Variants in OR1L6 observed in about 807,000 individuals in gnomAD.
OR1L6 encodes the protein olfactory receptor 1L6.
Under a neutral mutation model 3.0 loss-of-function variants are expected in OR1L6, and 2 were observed. The observed-to-expected ratio is 0.68, with a 90% CI of 0.28 to 2.13. The LOEUF (loss-of-function observed/expected upper bound fraction) is 2.13. OR1L6 is among the 30% of genes most tolerant of loss of function. OR1L6 has a pLI of 0.14. For missense variants in OR1L6, 304 were observed against 378.4 expected (o/e 0.80, Z 1.63); for synonymous variants, 121 against 148.4 (o/e 0.82, Z 1.34).
rs759176521 is a variant in OR1L6, at chr9:122,750,698, C to A, written c.851C>A (p.Pro284His). The change falls in exon 2 of 2, where the codon CCC becomes CAC. Residue 284 changes from proline to histidine, a missense_variant. Around this residue, in one of 3 missense-constraint regions of OR1L6, gnomAD observed 91 missense variants for 87.8 expected, o/e 1.04. Transcript: ENST00000304720. ...ACAGTTATGTACACAGTAGTGACAC[C>A]CATGCTGAACCCTTTCATCTACAGC... is the stretch of plus-strand genomic sequence containing the variant. ...VATVMYTVVT[P>H]MLNPFIYSLR... 1.2e-6 allele frequency: 2 copies of A among 1,613,650 alleles called. No homozygotes were observed. The highest frequency in any genetic ancestry group is 1.7e-6 in the Non-Finnish European group (2 of 1,180,006).
chr9:122,742,485 AAC>A (rs1828801248), intron 1 of OR1L6, 112 bp downstream of exon 1: 1 of 152,228 alleles, frequency 6.6e-6, no homozygotes, highest in South Asian at 2.1e-4. Flanking sequence ...AAAGCCAGGA[AAC>A]ACAGTCTTTC....
At chr9:122,749,049 T>C (rs767458984) in intron 1 of OR1L6, among the ~76,000 whole-genome samples, 3 of 152,198 alleles carry the variant, frequency 2.0e-5, no homozygotes, top group Non-Finnish European at 2.9e-5. Flanking sequence ...GCAATAAACA[T>C]ATAAGTGCAG....
At chr9:122,745,835 A>T (rs3927937) in intron 1 of OR1L6, among the ~76,000 whole-genome samples, 29 of 152,022 alleles carry the variant, frequency 1.9e-4, no homozygotes, top group Non-Finnish European at 2.9e-4. Flanking sequence ...CAAACACATT[A>T]AAAAAAATAC....
At chr9:122,745,772 A>C (rs1319292258) in intron 1 of OR1L6, among the ~76,000 whole-genome samples, 1 of 152,178 alleles carries the variant, frequency 6.6e-6, no homozygotes, top group Non-Finnish European at 1.5e-5. Context: ...GAAAATTCAG[A>C]AGGTAACCAC....
At chr9:122,749,746 T>A in intron 1 of OR1L6, 89 bp from the exon 2 acceptor site, 1 of 1,204,746 alleles carries the variant, frequency 8.3e-7, no homozygotes, top group Non-Finnish European at 1.2e-6. Context: ...GGCTATGAGC[T>A]ATTTTTACAG....
intron 1 of OR1L6, among the ~76,000 whole-genome samples, chr9:122,743,875 A>G (rs542054556): frequency 1.3e-5 from 2 of 152,322 alleles, no homozygotes; most frequent in East Asian, 3.9e-4. Context: ...GTCAGCAAGG[A>G]GGCTGAAGGC....
At chr9:122,743,727 A>G (rs558668709) in intron 1 of OR1L6, among the ~76,000 whole-genome samples, 3 of 152,358 alleles carry the variant, frequency 2.0e-5, no homozygotes, top group African/African-American at 7.2e-5. Flanking sequence ...GTCCTAAGTC[A>G]TAGCCTGTCA....
In OR1L6 at chr9:122,750,182, A is replaced by G. The variant is rs1246502205; in HGVS notation, c.335A>G (p.Asp112Gly). The change falls in exon 2 of 2, where the codon GAC becomes GGC. Residue 112 changes from aspartate to glycine, a missense_variant. Transcript: ENST00000304720. ...MYFFMAFGNT[D>G]SYLLASMAID... ...TTCTTTATGGCATTTGGGAACACTG[A>G]CAGCTACCTGCTGGCCTCTATGGCC... 1.2e-6 allele frequency: 2 copies of G among 1,613,748 alleles called. No homozygotes were observed. The highest frequency in any genetic ancestry group is 1.7e-6 in the Non-Finnish European group (2 of 1,179,796).
chr9:122,748,951 G>GTA (rs1325663363), intron 1 of OR1L6, among the ~76,000 whole-genome samples: 2 of 152,036 alleles, frequency 1.3e-5, no homozygotes, highest in Admixed American at 1.3e-4. Context: ...GTGTGTGTGT[G>GTA]TACACGTATA....
chr9:122,745,487 A>G (rs1188698861), intron 1 of OR1L6, among the ~76,000 whole-genome samples: 1 of 127,410 alleles, frequency 7.8e-6, no homozygotes, highest in African/African-American at 3.1e-5. Flanking sequence ...ATCTCGGCTC[A>G]CTGCAAGCTC....
At position 122,750,746 on chromosome 9, in the gene OR1L6, G is replaced by A. The variant is rs748319018; in HGVS notation, c.899G>A (p.Arg300Lys). 7 of 1,610,270 alleles carry A rather than the reference G, an allele frequency of 4.3e-6. No homozygotes were observed. The East Asian group carries it at 8.9e-5, about 21-fold the overall frequency. The change falls in exon 2 of 2, where the codon AGG becomes AAG. Residue 300 changes from arginine to lysine, a missense_variant. Transcript: ENST00000304720. ...AGCCTGAGGAACAAAGATATGAAGA[G>A]GGGTTTGAAGAAATTACAGGACAGA... is the stretch of plus-strand genomic sequence containing the variant. ...IYSLRNKDMKRGLKKLQDRIY... is the reference protein window; with the variant it reads ...IYSLRNKDMKKGLKKLQDRIY...
In OR1L6 at chr9:122,750,518, T is replaced by C; in HGVS notation, c.671T>C (p.Val224Ala). The C allele has an allele frequency of 2.1e-6, 2 of 935,892 alleles. 1 individual carries two copies. Among genetic ancestry groups the C allele is most frequent in the Admixed American group, 4.6e-5 (2 of 43,550 alleles). The allele number at this position is 935,892 out of a possible 1,614,324, so 58.0% of individuals were successfully genotyped here. A position where few individuals can be genotyped will look rare whatever the true frequency, so the allele number is the denominator to read the frequency against. Residue 224 changes from valine (V) to alanine (A), a missense_variant, in exon 2 of 2, where the codon GTC (valine) becomes GCC (alanine). Val to Ala is a moderately conservative substitution (Grantham distance 64). This residue lies in a region of OR1L6 where 21 missense variants were observed against 47.9 expected (regional missense o/e 0.44). Transcript: ENST00000304720. ...CIIFSYLRIM[V>A]TVLRIPSAAG... ...ATCTTCTCCTACCTGCGAATCATGGTCACTGTGCTCAGAATCCCCTCTGCA... is the reference window on the plus strand; with the variant it reads ...ATCTTCTCCTACCTGCGAATCATGGCCACTGTGCTCAGAATCCCCTCTGCA...
intron 1 of OR1L6, 135 bp from the exon 2 acceptor site, chr9:122,749,700 T>C (rs1407849629): frequency 1.2e-6 from 1 of 848,134 alleles, no homozygotes; most frequent in East Asian, 2.4e-5. Flanking sequence ...AGACCGAGAC[T>C]CCGTCTCAAA....
At position 122,750,648 on chromosome 9, in the gene OR1L6, C is replaced by T. The variant is rs1411579158; in HGVS notation, c.801C>T (p.Tyr267=). The T allele has an allele frequency of 1.2e-6, 2 of 1,614,036 alleles. No homozygotes were observed. Among genetic ancestry groups the T allele is most frequent in the South Asian group, 1.1e-5 (1 of 91,084 alleles). The change falls in exon 2 of 2, where the codon TAC becomes TAT. Residue 267 remains tyrosine, a synonymous_variant. Transcript: ENST00000304720. ...TCTATTTTAGGCCCCTGTCCATGTA[C>T]TCAGTGGTTAGGGACCGGGTAGCCA... ...IYVYFRPLSM[Y]SVVRDRVATV...
intron 1 of OR1L6, among the ~76,000 whole-genome samples, chr9:122,747,712 A>G (rs960630207): frequency 1.3e-5 from 2 of 152,040 alleles, no homozygotes; most frequent in Admixed American, 6.5e-5. Flanking sequence ...TTTTTCTAAT[A>G]TAAGTATTAA....
At chr9:122,749,688 AC>A (rs1828870066) in intron 1 of OR1L6, 146 bp from the exon 2 acceptor site, 1 of 786,832 alleles carries the variant, frequency 1.3e-6, no homozygotes, top group Non-Finnish European at 2.2e-6. Flanking sequence ...AGTCTGGGCG[AC>A]AGACCGAGAC....
At chr9:122,748,308 G>A (rs1828855706) in intron 1 of OR1L6, among the ~76,000 whole-genome samples, 1 of 151,972 alleles carries the variant, frequency 6.6e-6, no homozygotes, top group African/African-American at 2.4e-5. Context: ...ATGAGCAGGA[G>A]AGGACCCTGA....
At chr9:122,749,137 A>G (rs1230732132) in intron 1 of OR1L6, among the ~76,000 whole-genome samples, 1 of 152,228 alleles carries the variant, frequency 6.6e-6, no homozygotes, top group Non-Finnish European at 1.5e-5. Flanking sequence ...ATACAGCACC[A>G]TGCTATTTTG....
chr9:122,744,780 G>A (rs1828818574), intron 1 of OR1L6, among the ~76,000 whole-genome samples: 1 of 152,166 alleles, frequency 6.6e-6, no homozygotes, highest in African/African-American at 2.4e-5. Context: ...CTCCTAGGCA[G>A]GGTAGAAAGT....
Sources: allele counts gnomAD v4.1 joint callset (sites outside exome capture counted in the v4.1 genomes callset), GRCh38; gene constraint gnomAD v4.1.1; regional missense constraint gnomAD v4.1.1; transcripts MANE v1.5; gene names NCBI Gene and HGNC (gene_info 2026-07-23, HGNC 2026-07-21).